METTL15: variants seen among roughly 807,000 people sequenced by gnomAD.
The protein encoded by METTL15 is 12S rRNA N(4)-cytidine methyltransferase METTL15.
Under a neutral mutation model 38.3 loss-of-function variants are expected in METTL15, and 34 were observed. The observed-to-expected ratio is 0.89, with a 90% CI of 0.68 to 1.18. The LOEUF is 1.18. Among genes scored for constraint, METTL15 ranks in the 50% most tolerant of loss-of-function variants. METTL15 has a pLI of 0.00. For synonymous variants in METTL15, 162 were observed against 170.9 expected (o/e 0.95, Z 0.41); for missense variants, 438 against 498.4 (o/e 0.88, Z 1.15).
chr11:28,149,612 A>T (rs1009945030), intron 3 of METTL15, among the ~76,000 whole-genome samples: 2 of 151,936 alleles, frequency 1.3e-5, no homozygotes, highest in Non-Finnish European at 2.9e-5. Context: ...AAAATATATG[A>T]TTCTTTAGGG....
intron 3 of METTL15, among the ~76,000 whole-genome samples, chr11:28,340,105 C>T (rs1266425538): frequency 1.3e-5 from 2 of 151,978 alleles, no homozygotes; most frequent in African/African-American, 2.4e-5. Context: ...AGTATACGTA[C>T]ACTAATTTGT....
At chr11:28,227,782 G>C (rs1853540383) in intron 4 of METTL15, among the ~76,000 whole-genome samples, 1 of 151,818 alleles carries the variant, frequency 6.6e-6, no homozygotes, top group African/African-American at 2.4e-5. Context: ...TAGGAGGAGG[G>C]CAAAATTGGA....
intron 6 of METTL15, among the ~76,000 whole-genome samples, chr11:28,469,001 C>T (rs1851280502): frequency 6.6e-6 from 1 of 152,052 alleles, no homozygotes; most frequent in South Asian, 2.1e-4. Context: ...TCAAAAGCTC[C>T]AGGGCCTTTT....
At chr11:28,493,922 AT>A (rs1478124650) in intron 6 of METTL15, among the ~76,000 whole-genome samples, 2 of 152,228 alleles carry the variant, frequency 1.3e-5, no homozygotes. Context: ...ATCTTGCAAT[AT>A]GAGAGAACTA....
At chr11:28,148,220 C>G (rs1849956452) in intron 3 of METTL15, among the ~76,000 whole-genome samples, 2 of 151,796 alleles carry the variant, frequency 1.3e-5, no homozygotes, top group Admixed American at 1.3e-4. Context: ...AGATTCTAAA[C>G]AGAGAATTAA....
chr11:28,387,763 T>A (rs1433308630), intron 5 of METTL15, among the ~76,000 whole-genome samples: 2 of 152,084 alleles, frequency 1.3e-5, no homozygotes, highest in Non-Finnish European at 2.9e-5. Context: ...TACATACCAA[T>A]AACCATGAGG....
intron 6 of METTL15, among the ~76,000 whole-genome samples, chr11:28,323,224 G>A (rs1849529276): frequency 6.6e-6 from 1 of 150,876 alleles, no homozygotes; most frequent in African/African-American, 2.4e-5. Context: ...AACAATGACT[G>A]TGTTTATAAC....
At chr11:28,294,732 C>G (rs1250426303) in intron 5 of METTL15, among the ~76,000 whole-genome samples, 1 of 152,112 alleles carries the variant, frequency 6.6e-6, no homozygotes, top group Non-Finnish European at 1.5e-5. Context: ...AATGCCTATT[C>G]TGAAGCTGTC....
rs10573384 is a variant in METTL15 at position 28,462,479 on chromosome 11, T to TACAC, written c.*424+38153_*424+38156dup. 7.7e-3 allele frequency among the ~76,000 whole-genome samples: 1,127 copies of TACAC among 146,406 alleles called. 2 individuals carry two copies. Among genetic ancestry groups the TACAC allele is most frequent in the Middle Eastern group, 0.014 (4 of 290 alleles). ...ACACACATCTGCAAGCATACACGCT[T>TACAC]ACACACACACACACACACACACACA... On this transcript the variant is annotated intron_variant and NMD_transcript_variant, in intron 6 of 7. Transcript: ENST00000532947.
Position 28,108,394 on chromosome 11 carries a change from T to C in METTL15, c.-312T>C, listed in dbSNP as rs1851574108. The C allele has an allele frequency of 6.6e-6, 1 of 152,454 alleles. No individual in the cohort carries two copies. The highest frequency in any genetic ancestry group is 1.5e-5 in the Non-Finnish European group (1 of 68,244). The allele number at this position is 152,454 out of a possible 1,614,324, so 9.4% of individuals were successfully genotyped here. On this transcript the variant is annotated 5_prime_UTR_variant, in exon 1 of 7. Transcript: ENST00000407364. ...GGAGCTGCTGGTGGGAGGCAGCCACTTGAGATCACCAGGCCTCCTGTAGAC... is the reference window on the plus strand; with the variant it reads ...GGAGCTGCTGGTGGGAGGCAGCCACCTGAGATCACCAGGCCTCCTGTAGAC...
chr11:28,287,186 G>GTGTGTA (rs1462575921), intron 4 of METTL15: 5 of 222,526 alleles, frequency 2.2e-5, no homozygotes, highest in Non-Finnish European at 4.5e-5. Flanking sequence ...GTGTGTGTGT[G>GTGTGTA]TGTGTGTGTG....
At chr11:28,217,732 T>G (rs989542119) in intron 4 of METTL15, among the ~76,000 whole-genome samples, 1 of 152,212 alleles carries the variant, frequency 6.6e-6, no homozygotes, top group African/African-American at 2.4e-5. Context: ...AATTAATTTT[T>G]GTAGGAGGTG....
At chr11:28,454,022 A>G (rs1357420172) in intron 6 of METTL15, among the ~76,000 whole-genome samples, 1 of 152,206 alleles carries the variant, frequency 6.6e-6, no homozygotes, top group Non-Finnish European at 1.5e-5. Context: ...GGAGGAGTAA[A>G]CTGAGAATTT....
At chr11:28,419,617 C>A (rs1344018346) in intron 5 of METTL15, among the ~76,000 whole-genome samples, 1 of 152,102 alleles carries the variant, frequency 6.6e-6, no homozygotes, top group Non-Finnish European at 1.5e-5. Context: ...TGACAAACAT[C>A]CCCAAGCATC....
At chr11:28,468,244 GT>G (rs1851274096) in intron 6 of METTL15, among the ~76,000 whole-genome samples, 1 of 152,082 alleles carries the variant, frequency 6.6e-6, no homozygotes, top group Non-Finnish European at 1.5e-5. Flanking sequence ...TAAACTACAT[GT>G]TTTATTAGGA....
At chr11:28,172,087 C>A (rs1850880483) in intron 3 of METTL15, among the ~76,000 whole-genome samples, 1 of 152,176 alleles carries the variant, frequency 6.6e-6, no homozygotes, top group South Asian at 2.1e-4. Context: ...AGGTGTTAGC[C>A]ACTTTACCTG....
At chr11:28,347,745 T>C (rs1011542025) in intron 3 of METTL15, among the ~76,000 whole-genome samples, 1 of 152,212 alleles carries the variant, frequency 6.6e-6, no homozygotes, top group African/African-American at 2.4e-5. Context: ...TTCCACACTT[T>C]TGAAAATGCT....
chr11:28,418,285 C>T (rs562522901), intron 5 of METTL15, among the ~76,000 whole-genome samples: 1 of 152,128 alleles, frequency 6.6e-6, no homozygotes, highest in Non-Finnish European at 1.5e-5. Context: ...CCTCCAGGAG[C>T]GTTCTTGTGA....
intron 6 of METTL15, among the ~76,000 whole-genome samples, chr11:28,499,687 C>T (rs902401417): frequency 1.2e-4 from 18 of 148,578 alleles, no homozygotes; most frequent in African/African-American, 3.3e-4. Flanking sequence ...TATGGCCTCT[C>T]AGTCTGGAGA....
Sources: gnomAD v4.1 joint callset for allele counts (sites outside exome capture counted in the v4.1 genomes callset) on GRCh38, gnomAD v4.1.1 for gene constraint, MANE v1.5 for transcripts, NCBI Gene and HGNC (gene_info 2026-07-23, HGNC 2026-07-21) for gene names.